Variants in FOXN3 observed in about 807,000 individuals in gnomAD.
FOXN3 encodes forkhead box protein N3.
A neutral mutation model predicts 38.4 loss-of-function variants in FOXN3; 7 were observed. The observed-to-expected ratio is 0.18, with a 90% confidence interval of 0.10 to 0.34. The LOEUF is 0.34. Ranked by LOEUF, FOXN3 falls within the 10% of genes least tolerant of loss-of-function variation. FOXN3 has a pLI of 1.00. For synonymous variants in FOXN3, 230 were observed against 242.2 expected (o/e 0.95, Z 0.47); for missense variants, 456 against 613.4 (o/e 0.74, Z 2.71).
chr14:89,412,574 C>A lies in FOXN3; in HGVS notation c.-14-84G>T. Reference sequence around the variant, plus strand: ...CTGTACCCCTCTGATCCTGTTGCCTCCCTCTGCCGCCTCTATGGAACCCCT... The same window carrying A: ...CTGTACCCCTCTGATCCTGTTGCCTACCTCTGCCGCCTCTATGGAACCCCT... On this transcript the variant is annotated intron_variant, in intron 1 of 5. Coordinates refer to ENST00000557258, the MANE Select transcript of FOXN3 (RefSeq NM_005197.4). This position sits in a 1 kb window ranked among gnomAD's most constrained non-coding sequence, Gnocchi z 4.7. 8.9e-7 allele frequency: 1 copy of A among 1,129,686 alleles called. No homozygotes were observed. The allele number at this position is 1,129,686 out of a possible 1,614,324, so 70.0% of individuals were successfully genotyped here. A position where few individuals can be genotyped will look rare whatever the true frequency, so the allele number is the denominator to read the frequency against.
At chr14:89,258,770 T>C (rs945098897) in intron 4 of FOXN3, among the ~76,000 whole-genome samples, 1 of 152,250 alleles carries the variant, frequency 6.6e-6, no homozygotes, top group African/African-American at 2.4e-5. Flanking sequence ...AAACCACATT[T>C]GTGAAAGGGT....
intron 3 of FOXN3, among the ~76,000 whole-genome samples, chr14:89,305,460 C>T (rs1342771749): frequency 6.6e-6 from 1 of 152,190 alleles, no homozygotes; most frequent in African/African-American, 2.4e-5. Flanking sequence ...TTGAGCAGCA[C>T]ACTGAGGTTA....
At chr14:89,562,167 G>A (rs890050506) in intron 1 of FOXN3, among the ~76,000 whole-genome samples, 5 of 152,146 alleles carry the variant, frequency 3.3e-5, no homozygotes, top group African/African-American at 7.2e-5. Flanking sequence ...TACACAGATC[G>A]TACAAAGTAT....
At chr14:89,295,701 C>G (rs1030087283) in intron 3 of FOXN3, among the ~76,000 whole-genome samples, 12 of 151,962 alleles carry the variant, frequency 7.9e-5, no homozygotes, top group African/African-American at 2.9e-4. Flanking sequence ...AATACTCCCA[C>G]CTCAGCCTCC....
chr14:89,366,506 TAA>T (rs949674869), intron 2 of FOXN3, among the ~76,000 whole-genome samples: 1 of 152,062 alleles, frequency 6.6e-6, no homozygotes, highest in Non-Finnish European at 1.5e-5. Context: ...GTGCCTTTTT[TAA>T]AAAAAAGTTT....
At chr14:89,507,656 G>A (rs1235856827) in intron 1 of FOXN3, among the ~76,000 whole-genome samples, 2 of 152,082 alleles carry the variant, frequency 1.3e-5, no homozygotes, top group Non-Finnish European at 2.9e-5. Context: ...AGCAAGGAAA[G>A]GTCAATGCCC....
intron 3 of FOXN3, among the ~76,000 whole-genome samples, chr14:89,320,917 TGAG>T (rs1887877051): frequency 6.6e-6 from 1 of 152,194 alleles, no homozygotes; most frequent in Non-Finnish European, 1.5e-5. Flanking sequence ...CAGCTGACTC[TGAG>T]GAGTTTTTAT....
At chr14:89,379,743 T>G (rs1890585911) in intron 2 of FOXN3, among the ~76,000 whole-genome samples, 1 of 151,706 alleles carries the variant, frequency 6.6e-6, no homozygotes, top group Non-Finnish European at 1.5e-5. Context: ...CCGCCCTCCC[T>G]CCCCACCACC....
Position 89,511,242 on chromosome 14 carries a change from CTTTCTTTTCTTT to C in FOXN3, c.-14-98764_-14-98753del, listed in dbSNP as rs1566681222. On this transcript the variant is annotated intron_variant, in intron 1 of 6. Coordinates refer to the FOXN3 transcript ENST00000345097. ...TTCTTTCTTTCTTTTCTTTCCTTTT[CTTTCTTTTCTTT>C]CTTTCTTTCTTTCTTTCTTTCTTTC... Among the ~76,000 whole-genome samples, 55 of 17,630 alleles carry C rather than the reference CTTTCTTTTCTTT, an allele frequency of 3.1e-3. 10 individuals carry two copies. Among genetic ancestry groups the C allele is most frequent in the Non-Finnish European group, 6.3e-3 (27 of 4,290 alleles). The allele number at this position is 17,630 out of a possible 152,430, so 11.6% of individuals were successfully genotyped here.
intron 1 of FOXN3, among the ~76,000 whole-genome samples, chr14:89,552,037 G>A (rs1490172813): frequency 6.6e-6 from 1 of 152,204 alleles, no homozygotes; most frequent in Non-Finnish European, 1.5e-5. Context: ...ATGATCTCCG[G>A]AAAATTAATT....
chr14:89,467,811 T>TG (rs1434976775), intron 1 of FOXN3, among the ~76,000 whole-genome samples: 4 of 126,378 alleles, frequency 3.2e-5, no homozygotes, highest in African/African-American at 1.2e-4. Flanking sequence ...TTTGTTTTTT[T>TG]TTTTTTTTTT....
At chr14:89,461,045 G>T (rs1195548548) in intron 1 of FOXN3, among the ~76,000 whole-genome samples, 9 of 132,154 alleles carry the variant, frequency 6.8e-5, no homozygotes, top group Non-Finnish European at 1.4e-4. Flanking sequence ...AAAAGGGGGG[G>T]GGAGGGGGCT....
At chr14:89,213,335 G>T (rs1055851417) in intron 4 of FOXN3, among the ~76,000 whole-genome samples, 15 of 152,152 alleles carry the variant, frequency 9.9e-5, no homozygotes, top group Admixed American at 5.2e-4. Context: ...CCCAAGACAG[G>T]GGCTCATTCT....
At chr14:89,222,759 A>C (rs1884506959) in intron 4 of FOXN3, among the ~76,000 whole-genome samples, 1 of 152,174 alleles carries the variant, frequency 6.6e-6, no homozygotes, top group African/African-American at 2.4e-5. Context: ...AGTGAAATAA[A>C]CATCATTTTC....
chr14:89,517,462 C>T (rs1474593080), intron 1 of FOXN3, among the ~76,000 whole-genome samples: 1 of 151,944 alleles, frequency 6.6e-6, no homozygotes, highest in Non-Finnish European at 1.5e-5. Flanking sequence ...CAATCATGGC[C>T]GAAGGCAAAG....
At chr14:89,428,201 A>G (rs940489796) in intron 1 of FOXN3, among the ~76,000 whole-genome samples, 2 of 152,258 alleles carry the variant, frequency 1.3e-5, no homozygotes, top group African/African-American at 2.4e-5. Flanking sequence ...GATTACTAAC[A>G]TATTTCCCTG....
chr14:89,491,292 C>T (rs1335474731), intron 1 of FOXN3, among the ~76,000 whole-genome samples: 1 of 152,152 alleles, frequency 6.6e-6, no homozygotes, highest in East Asian at 1.9e-4. Context: ...AACCTTAATA[C>T]AATGCAATAT....
intron 2 of FOXN3, chr14:89,364,784 C>T (rs186543637): frequency 6.6e-6 from 1 of 152,300 alleles, no homozygotes; most frequent in East Asian, 1.9e-4. Flanking sequence ...AAATCCACCT[C>T]ATATACCTCA....
At chr14:89,485,350 T>C (rs1486511193) in intron 1 of FOXN3, among the ~76,000 whole-genome samples, 5 of 151,994 alleles carry the variant, frequency 3.3e-5, no homozygotes, top group African/African-American at 1.2e-4. Flanking sequence ...CTTTCAGAAC[T>C]CTCTGGATGA....
Sources: gnomAD v4.1 joint callset for allele counts (sites outside exome capture counted in the v4.1 genomes callset) on GRCh38, gnomAD v4.1.1 for gene constraint, Gnocchi (gnomAD v3.1) non-coding constraint, MANE v1.5 for transcripts, NCBI Gene and HGNC (gene_info 2026-07-23, HGNC 2026-07-21) for gene names.